Variants in CLNK observed in about 807,000 individuals in gnomAD.
CLNK encodes cytokine dependent hematopoietic cell linker, also known as cytokine-dependent hematopoietic cell linker.
CLNK carries 74 observed loss-of-function variants against 68.6 expected under a neutral mutation model. That is an observed-to-expected ratio of 1.08 (90% CI 0.89 to 1.31). CLNK has a LOEUF of 1.31. CLNK is among the 50% of genes most tolerant of loss of function. CLNK has a pLI of 0.00. For missense variants in CLNK, 553 were observed against 515.3 expected, an observed-to-expected ratio of 1.07 and a Z score of -0.71; for synonymous variants, 198 against 172.2, an observed-to-expected ratio of 1.15 and a Z score of -1.17.
In CLNK at chr4:10,490,562, T is replaced by C. The variant is rs1716526587; in HGVS notation, c.1192A>G (p.Ile398Val). 6.3e-7 allele frequency: 1 copy of C among 1,597,614 alleles called. No individual in the cohort carries two copies. Among genetic ancestry groups the C allele is most frequent in the South Asian group, 1.1e-5 (1 of 88,002 alleles). Residue 398 changes from isoleucine (I) to valine (V), a missense_variant, in exon 19 of 19, where the codon ATA becomes GTA. Transcript: ENST00000226951. ...GTTTTATCTTTCCCATCAATTAGTA[T>C]AATGGGAAAATTCTTGTAGTGTTCG... ...IIEHYKNFPIILIDGKDKTGV... is the reference protein window; with the variant it reads ...IIEHYKNFPIVLIDGKDKTGV...
the CLNK span, among the ~76,000 whole-genome samples, chr4:10,716,444 T>C: frequency 6.6e-6 from 1 of 152,204 alleles, no homozygotes; most frequent in East Asian, 1.9e-4. Context: ...GGGCATACTT[T>C]AAAAAATTTG....
At chr4:10,534,967 T>C (rs775280703) in intron 11 of CLNK, among the ~76,000 whole-genome samples, 1 of 152,190 alleles carries the variant, frequency 6.6e-6, no homozygotes, top group Non-Finnish European at 1.5e-5. Context: ...CTATAAAGAC[T>C]TTTTGTTTTC....
At chr4:10,518,330 G>A (rs1717922436) in intron 15 of CLNK, among the ~76,000 whole-genome samples, 1 of 152,140 alleles carries the variant, frequency 6.6e-6, no homozygotes, top group African/African-American at 2.4e-5. Flanking sequence ...AATATTGCTA[G>A]AGAAACACAG....
the CLNK span, among the ~76,000 whole-genome samples, chr4:10,699,492 C>CTA: frequency 1.1e-3 from 68 of 59,544 alleles, no homozygotes; most frequent in South Asian, 2.6e-3. Context: ...CTCTCTCTCT[C>CTA]TCTATATATA....
At chr4:10,634,913 C>G (rs768312709) in intron 2 of CLNK, among the ~76,000 whole-genome samples, 1 of 152,152 alleles carries the variant, frequency 6.6e-6, no homozygotes, top group Admixed American at 6.5e-5. Flanking sequence ...AGAGAAAAGG[C>G]CTCTCCCCCT....
chr4:10,675,423 A>C (rs563645842), intron 1 of CLNK, among the ~76,000 whole-genome samples: 1 of 152,282 alleles, frequency 6.6e-6, no homozygotes, highest in South Asian at 2.1e-4. Context: ...ATGGTATCAC[A>C]AGCAGTTTAA....
intron 2 of CLNK, among the ~76,000 whole-genome samples, chr4:10,654,384 AATATAT>A (rs71281268): frequency 1.8e-4 from 15 of 84,166 alleles, no homozygotes; most frequent in African/African-American, 2.4e-4. Flanking sequence ...ATATTGATTA[AATATAT>A]ATATATATAT....
intron 8 of CLNK, among the ~76,000 whole-genome samples, chr4:10,552,941 C>T (rs1015937648): frequency 6.6e-6 from 1 of 152,028 alleles, no homozygotes; most frequent in Non-Finnish European, 1.5e-5. Flanking sequence ...TTATTAATGG[C>T]CTTTTCTTCA....
At chr4:10,716,561 C>T in the CLNK span, among the ~76,000 whole-genome samples, 2 of 151,956 alleles carry the variant, frequency 1.3e-5, no homozygotes, top group South Asian at 2.1e-4. Context: ...TTTACGTGTC[C>T]CAAACTTCAG....
intron 1 of CLNK, among the ~76,000 whole-genome samples, chr4:10,673,394 C>T (rs1400988012): frequency 6.6e-6 from 1 of 152,018 alleles, no homozygotes; most frequent in African/African-American, 2.4e-5. Flanking sequence ...CTGGACAGAA[C>T]TTCCAACACT....
intron 14 of CLNK, among the ~76,000 whole-genome samples, chr4:10,522,983 C>G (rs2109049523): frequency 6.6e-6 from 1 of 152,228 alleles, no homozygotes; most frequent in East Asian, 1.9e-4. Flanking sequence ...TGCAAGAGAC[C>G]AGAAAGCAGT....
intron 1 of CLNK, among the ~76,000 whole-genome samples, chr4:10,671,057 A>G (rs1724611394): frequency 6.6e-6 from 1 of 152,234 alleles, no homozygotes; most frequent in Admixed American, 6.5e-5. Flanking sequence ...TAAAAATATT[A>G]TAGAGAGATC....
the CLNK span, among the ~76,000 whole-genome samples, chr4:10,731,616 T>C: frequency 6.6e-6 from 1 of 152,362 alleles, no homozygotes; most frequent in African/African-American, 2.4e-5. Flanking sequence ...GTTGAATGTT[T>C]CTAACAATTT....
At chr4:10,731,301 T>C in the CLNK span, among the ~76,000 whole-genome samples, 1 of 152,200 alleles carries the variant, frequency 6.6e-6, no homozygotes, top group Non-Finnish European at 1.5e-5. Flanking sequence ...AACTATCAGA[T>C]ATTCTTTTTC....
At chr4:10,712,870 A>C in the CLNK span, among the ~76,000 whole-genome samples, 1 of 152,190 alleles carries the variant, frequency 6.6e-6, no homozygotes, top group Non-Finnish European at 1.5e-5. Flanking sequence ...CATACCAAGG[A>C]AAGAGGTGAC....
chr4:10,682,057 G>C (rs1463622350), intron 1 of CLNK, among the ~76,000 whole-genome samples: 1 of 151,834 alleles, frequency 6.6e-6, no homozygotes, highest in African/African-American at 2.4e-5. Flanking sequence ...GCCCATAAGA[G>C]TAACAAAAAA....
At chr4:10,720,193 C>T in the CLNK span, among the ~76,000 whole-genome samples, 2 of 151,818 alleles carry the variant, frequency 1.3e-5, no homozygotes, top group African/African-American at 2.4e-5. Context: ...GAGAAGAAAA[C>T]AATACAGAAC....
chr4:10,535,362 C>T (rs1718717703), intron 11 of CLNK, among the ~76,000 whole-genome samples: 1 of 152,070 alleles, frequency 6.6e-6, no homozygotes, highest in African/African-American at 2.4e-5. Context: ...GCACCTTTGG[C>T]CATTGAGTGT....
At chr4:10,575,863 ACATTTGTAGT>A (rs1468545957) in intron 4 of CLNK, among the ~76,000 whole-genome samples, 4 of 152,234 alleles carry the variant, frequency 2.6e-5, no homozygotes. Context: ...TATTCCACTA[ACATTTGTAGT>A]TTATTCATTA....
Sources: allele counts gnomAD v4.1 joint callset (sites outside exome capture counted in the v4.1 genomes callset), GRCh38; gene constraint gnomAD v4.1.1; transcripts MANE v1.5; gene names NCBI Gene and HGNC (gene_info 2026-07-23, HGNC 2026-07-21).